TDRD12: variants seen among roughly 807,000 people sequenced by gnomAD.
TDRD12 encodes tudor domain containing 12.
Under a neutral mutation model 133.5 loss-of-function variants are expected in TDRD12, and 158 were observed. The ratio of observed to expected loss-of-function variants is 1.18; its 90% confidence interval spans 1.04 to 1.35. The LOEUF (loss-of-function observed/expected upper bound fraction) is 1.35. Ranked by LOEUF, TDRD12 falls within the 40% of genes most tolerant of loss-of-function variation. The probability of loss-of-function intolerance (pLI) is 0.00; values close to 1 mark genes in which losing one functional copy is unlikely to be tolerated. For synonymous variants in TDRD12, 460 were observed against 477.9 expected, an observed-to-expected ratio of 0.96 and a Z score of 0.49; for missense variants, 1,443 against 1,321.3, an observed-to-expected ratio of 1.09 and a Z score of -1.43.
chr19:32,728,168 T>G (rs1303424913), intron 1 of TDRD12, among the ~76,000 whole-genome samples: 1 of 152,226 alleles, frequency 6.6e-6, no homozygotes, highest in Non-Finnish European at 1.5e-5. Context: ...TTACTGTAGC[T>G]TTGTAGTAAA....
At chr19:32,801,760 T>C in exon 19 of TDRD12, 2 of 1,329,332 alleles carry the variant, frequency 1.5e-6, no homozygotes, top group Non-Finnish European at 2.1e-6. Flanking sequence ...CTTTAGGTAG[T>C]AGAAAGCAGT....
chr19:32,756,580 G>T (rs1393027139), intron 7 of TDRD12, among the ~76,000 whole-genome samples: 1 of 152,118 alleles, frequency 6.6e-6, no homozygotes, highest in African/African-American at 2.4e-5. Context: ...AGTAGAGACA[G>T]GGTTTCACCA....
intron 8 of TDRD12, among the ~76,000 whole-genome samples, chr19:32,772,282 C>T (rs752349533): frequency 1.3e-5 from 2 of 152,174 alleles, no homozygotes; most frequent in African/African-American, 4.8e-5. Flanking sequence ...TGTGAGCGTC[C>T]AAGACCACAG....
intron 25 of TDRD12, 143 bp downstream of exon 25, chr19:32,813,919 T>C (rs1256272461): frequency 1.6e-6 from 1 of 613,610 alleles, no homozygotes; most frequent in Non-Finnish European, 2.8e-6. Flanking sequence ...GTGTTTTTCA[T>C]GTTATTGGGT....
chr19:32,748,290 C>A (rs548007434), intron 4 of TDRD12, among the ~76,000 whole-genome samples, 186 bp from the exon 5 acceptor site: 5 of 152,250 alleles, frequency 3.3e-5, no homozygotes, highest in Middle Eastern at 3.4e-3. Context: ...AGTGTTGAGA[C>A]GAGCGTGTTG....
intron 10 of TDRD12, among the ~76,000 whole-genome samples, chr19:32,775,747 G>A (rs538334624): frequency 2.6e-5 from 4 of 152,036 alleles, no homozygotes; most frequent in South Asian, 2.1e-4. Flanking sequence ...CTTGTGGAGT[G>A]AGTGTCCAGA....
At chr19:32,759,450 G>T (rs918135528) in intron 8 of TDRD12, among the ~76,000 whole-genome samples, 1 of 150,876 alleles carries the variant, frequency 6.6e-6, no homozygotes, top group Non-Finnish European at 1.5e-5. Context: ...TTGCTCGGTT[G>T]CCCAGGCTTG....
At chr19:32,800,058 T>G (rs925324714) in intron 16 of TDRD12, 109 bp from the exon 17 acceptor site, 3 of 710,270 alleles carry the variant, frequency 4.2e-6, no homozygotes, top group Non-Finnish European at 6.7e-6. Context: ...TTGAAAGACT[T>G]TCTCCACTCT....
intron 19 of TDRD12, among the ~76,000 whole-genome samples, chr19:32,802,304 T>C (rs1355442375): frequency 6.7e-6 from 1 of 150,320 alleles, no homozygotes; most frequent in Non-Finnish European, 1.5e-5. Context: ...TCAAGCTATA[T>C]ATATATTCAT....
intron 8 of TDRD12, among the ~76,000 whole-genome samples, chr19:32,770,488 A>C (rs1427545443): frequency 6.6e-6 from 1 of 152,028 alleles, no homozygotes; most frequent in Non-Finnish European, 1.5e-5. Flanking sequence ...CAAGGTCATC[A>C]TTGTCTGTCC....
At position 32,741,648 on chromosome 19, in the gene TDRD12, G is replaced by A. The variant is rs141873692; in HGVS notation, c.321-1133G>A. On this transcript the variant is annotated intron_variant, in intron 3 of 27. Coordinates refer to ENST00000444215, the Ensembl canonical transcript of TDRD12. ...GAGACTTCAGGGGGCCATGGGTGCAGCCACCTTTCCCTAACCTGTCTGAGA... is the reference window on the plus strand; with the variant it reads ...GAGACTTCAGGGGGCCATGGGTGCAACCACCTTTCCCTAACCTGTCTGAGA... 5.1e-3 allele frequency among the ~76,000 whole-genome samples: 783 copies of A among 152,316 alleles called. 5 individuals are homozygous for A. Among genetic ancestry groups the A allele is most frequent in the Admixed American group, 7.0e-3 (107 of 15,302 alleles).
intron 8 of TDRD12, among the ~76,000 whole-genome samples, chr19:32,765,786 GT>G (rs1392553629): frequency 4.6e-5 from 7 of 151,750 alleles, no homozygotes; most frequent in South Asian, 2.1e-4. Context: ...TATACCTAAT[GT>G]TAAATGACAA....
At chr19:32,767,576 T>C (rs1001695195) in intron 8 of TDRD12, among the ~76,000 whole-genome samples, 3 of 152,104 alleles carry the variant, frequency 2.0e-5, no homozygotes, top group Admixed American at 2.0e-4. Flanking sequence ...GTCATCAGAG[T>C]CTGTGCTGTT....
chr19:32,800,198 A>C (rs1048151461), exon 17 of TDRD12: 7 of 1,517,498 alleles, frequency 4.6e-6, no homozygotes, highest in South Asian at 1.3e-5. Flanking sequence ...TTTAAAAAAA[A>C]TATTGAAGTT....
chr19:32,793,299 CAG>C (rs1002514230), intron 13 of TDRD12, among the ~76,000 whole-genome samples: 3 of 152,106 alleles, frequency 2.0e-5, no homozygotes, highest in African/African-American at 7.2e-5. Context: ...TGCAGACATA[CAG>C]AGTCTTAAAA....
At chr19:32,805,630 T>A (rs976137274) in intron 21 of TDRD12, among the ~76,000 whole-genome samples, 1 of 152,182 alleles carries the variant, frequency 6.6e-6, no homozygotes. Context: ...ATAGCACGTC[T>A]TAGGAGCTGG....
At chr19:32,812,571 G>C (rs920235664) in intron 24 of TDRD12, among the ~76,000 whole-genome samples, 1 of 152,156 alleles carries the variant, frequency 6.6e-6, no homozygotes, top group Non-Finnish European at 1.5e-5. Flanking sequence ...TTCCTTCTTT[G>C]TAATGACTGT....
At chr19:32,753,309 T>C (rs934708951) in intron 6 of TDRD12, among the ~76,000 whole-genome samples, 1 of 152,192 alleles carries the variant, frequency 6.6e-6, no homozygotes. Flanking sequence ...TTAAGAGCTT[T>C]GATATCTCTG....
At chr19:32,773,505 A>T in exon 10 of TDRD12, 2 of 1,551,840 alleles carry the variant, frequency 1.3e-6, no homozygotes, top group South Asian at 2.4e-5. Flanking sequence ...ATAACCATAT[A>T]TGCTGATCCA....
Sources: gnomAD v4.1 joint callset for allele counts (sites outside exome capture counted in the v4.1 genomes callset) on GRCh38, gnomAD v4.1.1 for gene constraint, MANE v1.5 for transcripts, NCBI Gene and HGNC (gene_info 2026-07-23, HGNC 2026-07-21) for gene names.